The following GATA4 variants were observed in gnomAD, a reference collection of about 807,000 sequenced individuals.
The protein encoded by GATA4 is transcription factor GATA-4.
Under a neutral mutation model 37.9 loss-of-function variants are expected in GATA4, and 7 were observed. That is an observed-to-expected ratio of 0.18 (90% CI 0.11 to 0.35). GATA4 has a LOEUF of 0.35. Ranked by LOEUF, GATA4 falls within the 10% of genes least tolerant of loss-of-function variation. The pLI, the probability that GATA4 is intolerant of heterozygous loss-of-function variation, is 1.00. For synonymous variants in GATA4, 372 were observed against 292.6 expected (o/e 1.27, Z -2.77); for missense variants, 647 against 653.0 (o/e 0.99, Z 0.10).
chr8:11,728,653 A>G (rs1047977890), intron 2 of GATA4, among the ~76,000 whole-genome samples: 2 of 151,848 alleles, frequency 1.3e-5, no homozygotes, highest in Admixed American at 6.6e-5. Context: ...GGCTCAAGCA[A>G]TCCTCCTTCC....
In GATA4 at chr8:11,707,553, C is replaced by T. The variant is rs891183386; in HGVS notation, c.-457-303C>T. On this transcript the variant is annotated intron_variant, in intron 1 of 6. Coordinates refer to ENST00000532059, the MANE Select transcript of GATA4 (RefSeq NM_001308093.3). The surrounding 1 kb of genome is among the most constrained non-coding windows in gnomAD (Gnocchi z 4.7). ...TTGCAGAATAAGGTAACATTAAAGT[C>T]CTTCCTGACAAGCAATACAAAAATC... 2.0e-5 allele frequency among the ~76,000 whole-genome samples: 3 copies of T among 152,138 alleles called. No homozygotes were observed. Among genetic ancestry groups the T allele is most frequent in the African/African-American group, 7.2e-5 (3 of 41,434 alleles).
chr8:11,739,495 G>A (rs75146829), intron 2 of GATA4, among the ~76,000 whole-genome samples: 8,520 of 151,878 alleles, frequency 0.056, 396 homozygotes, highest in South Asian at 0.13. Context: ...CATCATATAT[G>A]ATTTTATATA....
upstream of GATA4, among the ~76,000 whole-genome samples, chr8:11,691,647 A>T (rs957558912): frequency 6.6e-6 from 1 of 152,192 alleles, no homozygotes; most frequent in African/African-American, 2.4e-5. Flanking sequence ...TGGGCATGGC[A>T]GTCCTCTGGT....
intron 1 of GATA4, among the ~76,000 whole-genome samples, chr8:11,705,491 T>C (rs1405366550): frequency 6.6e-6 from 1 of 152,128 alleles, no homozygotes; most frequent in Non-Finnish European, 1.5e-5. Flanking sequence ...AAGAGGGCTA[T>C]TGGTTGATTC....
At chr8:11,676,948 A>C (rs958279294), upstream of GATA4, 1 of 152,024 alleles carries the variant, frequency 6.6e-6, no homozygotes, top group African/African-American at 2.4e-5. Context: ...GGGAGCTGGG[A>C]GACACGGCTC....
At position 11,708,760 on chromosome 8, in the gene GATA4, G is replaced by A. The variant is rs1024075653; in HGVS notation, c.448G>A (p.Gly150Arg). The stretch of plus-strand genomic sequence containing the variant: ...GGGCCTGGCGGGCCGCGAGCAGTAC[G>A]GGCGCGCCGGCTTCGCGGGCTCCTA... ...GAGLAGREQYGRAGFAGSYSS... is the reference protein window; with the variant it reads ...GAGLAGREQYRRAGFAGSYSS... Residue 150 changes from glycine (G) to arginine (R), a missense_variant, in exon 2 of 7, where the codon GGG becomes AGG. Physicochemically the swap from Gly to Arg is moderately radical, Grantham distance 125. Transcript: ENST00000532059. The surrounding 1 kb of genome is among the most constrained non-coding windows in gnomAD (Gnocchi z 6.7). The A allele has an allele frequency of 2.1e-6, 3 of 1,414,762 alleles. No homozygotes were observed. Among genetic ancestry groups the A allele is most frequent in the African/African-American group, 3.0e-5 (2 of 66,818 alleles). The allele number at this position is 1,414,762 out of a possible 1,614,324, so 87.6% of individuals were successfully genotyped here.
At chr8:11,693,430 C>A (rs1174977091) in intron 1 of GATA4, among the ~76,000 whole-genome samples, 1 of 150,694 alleles carries the variant, frequency 6.6e-6, no homozygotes, top group Admixed American at 6.6e-5. Flanking sequence ...TGCAGTCCAG[C>A]CTGGTGACAG....
At chr8:11,704,795 C>T (rs1799819520) in intron 1 of GATA4, among the ~76,000 whole-genome samples, 1 of 152,340 alleles carries the variant, frequency 6.6e-6, no homozygotes, top group South Asian at 2.1e-4. Flanking sequence ...CAGGGGCCCC[C>T]GGGAGCCGCT....
upstream of GATA4, among the ~76,000 whole-genome samples, chr8:11,699,733 A>G (rs1799611575): frequency 6.6e-6 from 1 of 152,244 alleles, no homozygotes; most frequent in South Asian, 2.1e-4. Flanking sequence ...GCCCCTCCCT[A>G]TTCAAAAAGG....
At chr8:11,679,182 G>GT (rs1352605854) in intron 1 of GATA4, among the ~76,000 whole-genome samples, 2 of 149,076 alleles carry the variant, frequency 1.3e-5, no homozygotes, top group Non-Finnish European at 3.0e-5. Flanking sequence ...ATAATTGCGG[G>GT]GGGGGGCACT....
At chr8:11,742,542 G>T (rs1801799287) in intron 2 of GATA4, among the ~76,000 whole-genome samples, 1 of 152,190 alleles carries the variant, frequency 6.6e-6, no homozygotes, top group African/African-American at 2.4e-5. Flanking sequence ...AGAGGCCTTG[G>T]ACTCTGTGGG....
rs1800059739 is a variant in GATA4 at position 11,709,393 on chromosome 8, C to A, written c.616+465C>A. 6.6e-6 allele frequency among the ~76,000 whole-genome samples: 1 copy of A among 152,218 alleles called. No homozygotes were observed. Among genetic ancestry groups the A allele is most frequent in the South Asian group, 2.1e-4 (1 of 4,834 alleles). On this transcript the variant is annotated intron_variant, in intron 2 of 6. Transcript: ENST00000532059. This position sits in a 1 kb window ranked among gnomAD's most constrained non-coding sequence, Gnocchi z 4.3. ...TACAATGGTTTGGACCGCAGACCTT[C>A]TGGGCCATTTGGCGGCCCAGCTGGA...
rs190815793 is a variant in GATA4, at chr8:11,737,458, G to C, written c.617-11458G>C. ...TCAATATTCCCTTTCCGTCCTGCCA[G>C]CTCCTAACTGGGGTTGCAGAGTCAA... On this transcript the variant is annotated intron_variant, in intron 2 of 6. Transcript: ENST00000532059. Among the ~76,000 whole-genome samples, 13 of 152,380 alleles carry C rather than the reference G, an allele frequency of 8.5e-5. No homozygotes were observed. In the East Asian group the frequency reaches 2.5e-3, roughly 29 times the overall value.
intron 3 of GATA4, 98 bp from the exon 4 acceptor site, chr8:11,750,013 C>T: frequency 1.3e-6 from 2 of 1,574,932 alleles, no homozygotes; most frequent in Non-Finnish European, 1.7e-6. Context: ...CCAGCCCTGC[C>T]TCCCGTTAGG....
rs1798934831 is a variant in GATA4 at position 11,680,650 on chromosome 8, G to A, written c.-274+3587G>A. 9.1e-6 allele frequency: 9 copies of A among 985,374 alleles called. No homozygotes were observed. In the South Asian group the frequency reaches 3.3e-4, roughly 36 times the overall value. 61.0% of individuals were successfully genotyped at this position (985,374 alleles called of 1,614,324 possible). ...TGCCACGCCTGGCGCTGCTGGGAAC[G>A]TGTCTCGGGTCGCCCTTTGCGTCAG... is the stretch of plus-strand genomic sequence containing the variant. On this transcript the variant is annotated intron_variant, in intron 1 of 6. Coordinates refer to the GATA4 transcript ENST00000528712.
chr8:11,718,191 C>A (rs73537880), intron 2 of GATA4, among the ~76,000 whole-genome samples: 2 of 152,138 alleles, frequency 1.3e-5, no homozygotes, highest in African/African-American at 4.8e-5. Context: ...AGGAAAAGCC[C>A]CGTGGAATTG....
intron 2 of GATA4, among the ~76,000 whole-genome samples, chr8:11,733,324 T>G (rs1490296990): frequency 3.3e-5 from 5 of 152,232 alleles, no homozygotes; most frequent in African/African-American, 1.2e-4. Context: ...AAAGAGTTAT[T>G]GTACAAGAAT....
intron 1 of GATA4, among the ~76,000 whole-genome samples, chr8:11,696,138 C>G (rs1799501809): frequency 6.6e-6 from 1 of 152,076 alleles, no homozygotes; most frequent in Non-Finnish European, 1.5e-5. Context: ...TGAAGTGCAA[C>G]TTATATACAG....
chr8:11,741,475 T>A (rs560258846), intron 2 of GATA4, among the ~76,000 whole-genome samples: 1 of 151,740 alleles, frequency 6.6e-6, no homozygotes, highest in Non-Finnish European at 1.5e-5. Flanking sequence ...CAAGACCCCA[T>A]TGAAAAAAAC....
Sources: gnomAD v4.1 joint callset for allele counts (sites outside exome capture counted in the v4.1 genomes callset) on GRCh38, gnomAD v4.1.1 for gene constraint, Gnocchi (gnomAD v3.1) non-coding constraint, MANE v1.5 for transcripts, NCBI Gene and HGNC (gene_info 2026-07-23, HGNC 2026-07-21) for gene names.